CHCHD3: variants seen among roughly 807,000 people sequenced by gnomAD.
The protein encoded by CHCHD3 is MICOS complex subunit MIC19.
In CHCHD3, 20 loss-of-function variants were observed where a neutral mutation model predicts 38.2. The ratio of observed to expected loss-of-function variants is 0.52; its 90% CI spans 0.37 to 0.76. The LOEUF (loss-of-function observed/expected upper bound fraction) is 0.76. Ranked by LOEUF, CHCHD3 falls within the 30% of genes least tolerant of loss-of-function variation. The probability of loss-of-function intolerance (pLI) is 0.00; values close to 1 mark genes in which losing one functional copy is unlikely to be tolerated. For missense variants in CHCHD3, 245 were observed against 279.2 expected (o/e 0.88, Z 0.87); for synonymous variants, 82 against 100.0 (o/e 0.82, Z 1.07).
At chr7:132,990,951 TACACACAC>T (rs768136991) in intron 3 of CHCHD3, among the ~76,000 whole-genome samples, 2 of 143,692 alleles carry the variant, frequency 1.4e-5, no homozygotes, top group Non-Finnish European at 3.0e-5. Context: ...CAGACACACA[TACACACAC>T]ACACACACAC....
intron 4 of CHCHD3, among the ~76,000 whole-genome samples, chr7:132,903,557 C>CA (rs1809721473): frequency 6.6e-6 from 1 of 152,184 alleles, no homozygotes; most frequent in African/African-American, 2.4e-5. Flanking sequence ...GAGAGCTCAC[C>CA]AGGCAGATCC....
intron 1 of CHCHD3, among the ~76,000 whole-genome samples, chr7:133,080,401 G>A (rs1341648741): frequency 6.6e-6 from 1 of 152,086 alleles, no homozygotes; most frequent in Admixed American, 6.6e-5. Context: ...ATTCTCTTTC[G>A]ATTTTGTTTG....
At chr7:132,947,468 G>C (rs895473874) in intron 4 of CHCHD3, among the ~76,000 whole-genome samples, 1 of 151,750 alleles carries the variant, frequency 6.6e-6, no homozygotes, top group Non-Finnish European at 1.5e-5. Context: ...CTAAATTATA[G>C]CCTGAAAAAA....
At chr7:132,968,294 T>C (rs1811528097) in intron 4 of CHCHD3, among the ~76,000 whole-genome samples, 1 of 152,174 alleles carries the variant, frequency 6.6e-6, no homozygotes, top group African/African-American at 2.4e-5. Context: ...ATGCTTCCCT[T>C]TGAATTTCCT....
chr7:132,953,858 G>A (rs1811092892), intron 4 of CHCHD3, among the ~76,000 whole-genome samples: 1 of 152,128 alleles, frequency 6.6e-6, no homozygotes. Context: ...CCCAGTTTAT[G>A]TGTGTTGTCT....
At chr7:132,814,108 C>T (rs1379917997) in intron 6 of CHCHD3, among the ~76,000 whole-genome samples, 2 of 152,170 alleles carry the variant, frequency 1.3e-5, no homozygotes, top group Admixed American at 1.3e-4. Flanking sequence ...TCGCCTAAGA[C>T]AAGTTGGACG....
intron 4 of CHCHD3, among the ~76,000 whole-genome samples, chr7:132,919,406 C>T (rs969991700): frequency 2.6e-5 from 4 of 152,108 alleles, no homozygotes; most frequent in Non-Finnish European, 5.9e-5. Context: ...CCACTGTGCC[C>T]GGCCATAGTT....
At chr7:132,948,732 C>T (rs1445948025) in intron 4 of CHCHD3, among the ~76,000 whole-genome samples, 1 of 152,084 alleles carries the variant, frequency 6.6e-6, no homozygotes, top group Non-Finnish European at 1.5e-5. Context: ...ACAGCCAAAA[C>T]TTTAAAATGG....
At chr7:132,833,302 G>A (rs569440983) in intron 6 of CHCHD3, among the ~76,000 whole-genome samples, 3 of 152,226 alleles carry the variant, frequency 2.0e-5, no homozygotes, top group African/African-American at 7.2e-5. Context: ...TTGAATTAAG[G>A]TTACATATAA....
intron 5 of CHCHD3, among the ~76,000 whole-genome samples, chr7:132,860,141 C>T (rs954565692): frequency 6.6e-5 from 10 of 151,870 alleles, no homozygotes; most frequent in African/African-American, 1.2e-4. Flanking sequence ...GGGGTGATGG[C>T]GCGCATCTGT....
At chr7:133,025,594 T>A (rs542548590) in intron 2 of CHCHD3, among the ~76,000 whole-genome samples, 2 of 152,340 alleles carry the variant, frequency 1.3e-5, no homozygotes, top group Non-Finnish European at 2.9e-5. Context: ...GACCTCCGCC[T>A]CCTGGGTTCA....
intron 6 of CHCHD3, among the ~76,000 whole-genome samples, chr7:132,800,292 T>C (rs1806755794): frequency 6.6e-6 from 1 of 152,186 alleles, no homozygotes; most frequent in Non-Finnish European, 1.5e-5. Flanking sequence ...GTAAGTTAAA[T>C]TAACTGATCA....
intron 6 of CHCHD3, among the ~76,000 whole-genome samples, chr7:132,816,071 T>C (rs1807194149): frequency 6.6e-6 from 1 of 152,252 alleles, no homozygotes; most frequent in Non-Finnish European, 1.5e-5. Flanking sequence ...GGTTGGACTT[T>C]CTTGGTTCGG....
At chr7:133,026,529 T>C (rs1813341827) in intron 2 of CHCHD3, among the ~76,000 whole-genome samples, 2 of 152,198 alleles carry the variant, frequency 1.3e-5, no homozygotes, top group South Asian at 4.1e-4. Context: ...GTACTATATA[T>C]ACTCAAGAAA....
intron 4 of CHCHD3, among the ~76,000 whole-genome samples, chr7:132,951,281 C>T (rs916527121): frequency 6.6e-6 from 1 of 152,122 alleles, no homozygotes; most frequent in Admixed American, 6.6e-5. Flanking sequence ...CAAAAGAAAT[C>T]CTATTTCCTA....
chr7:132,904,559 T>G (rs866030606), intron 4 of CHCHD3, among the ~76,000 whole-genome samples: 3 of 152,150 alleles, frequency 2.0e-5, no homozygotes, highest in African/African-American at 7.2e-5. Flanking sequence ...TCACACCAGT[T>G]AGAATGGCAA....
At chr7:132,935,337 A>ATT (rs1810611152) in intron 4 of CHCHD3, among the ~76,000 whole-genome samples, 2 of 152,334 alleles carry the variant, frequency 1.3e-5, no homozygotes, top group African/African-American at 4.8e-5. Flanking sequence ...GTTGCTACCT[A>ATT]CTATTGGACT....
intron 3 of CHCHD3, among the ~76,000 whole-genome samples, chr7:132,996,583 TGAGA>T (rs1408048897): frequency 1.3e-5 from 2 of 152,156 alleles, no homozygotes; most frequent in African/African-American, 4.8e-5. Flanking sequence ...TTGCTAAAAT[TGAGA>T]AGGTAATAAA....
rs1190934474 is a variant in CHCHD3 at position 133,035,322 on chromosome 7, A to T, written c.170-10695T>A. On this transcript the variant is annotated intron_variant, in intron 2 of 7. Coordinates refer to ENST00000262570, the MANE Select transcript of CHCHD3 (RefSeq NM_017812.4). This position sits in a 1 kb window ranked among gnomAD's most constrained non-coding sequence, Gnocchi z 4.7. ...TTTCAGTTCCCCCAAGACAGCCCGG[A>T]ACTGGGGCTGGTTAATGCAGGTGAG... The T allele has an allele frequency of 6.2e-7, 1 of 1,610,228 alleles. No individual in the cohort carries two copies. The highest frequency in any genetic ancestry group is 8.5e-7 in the Non-Finnish European group (1 of 1,176,726).
Sources: gnomAD v4.1 joint callset for allele counts (sites outside exome capture counted in the v4.1 genomes callset) on GRCh38, gnomAD v4.1.1 for gene constraint, Gnocchi (gnomAD v3.1) non-coding constraint, MANE v1.5 for transcripts, NCBI Gene and HGNC (gene_info 2026-07-23, HGNC 2026-07-21) for gene names.